The following YTHDF3 variants were observed in gnomAD, a reference collection of about 807,000 sequenced individuals.
YTHDF3 encodes YTH domain-containing family protein 3.
In YTHDF3, 9 loss-of-function variants were observed where a neutral mutation model predicts 52.5. That is an observed-to-expected ratio of 0.17 (90% confidence interval 0.10 to 0.30). The LOEUF (loss-of-function observed/expected upper bound fraction) is 0.30, where lower values mean the gene tolerates loss of function less well. YTHDF3 is among the 10% of genes least tolerant of loss of function. The pLI, the probability that YTHDF3 is intolerant of heterozygous loss-of-function variation, is 1.00. For synonymous variants in YTHDF3, 274 were observed against 243.3 expected (o/e 1.13, Z -1.18); for missense variants, 534 against 715.0 (o/e 0.75, Z 2.89).
chr8:63,174,031 C>G (rs769226212), intron 2 of YTHDF3, among the ~76,000 whole-genome samples: 7 of 152,116 alleles, frequency 4.6e-5, no homozygotes, highest in Non-Finnish European at 8.8e-5. Context: ...TCTTTGCTCC[C>G]AAGCCACTGT....
chr8:63,181,680 T>A (rs1808148992), intron 3 of YTHDF3, among the ~76,000 whole-genome samples: 1 of 152,232 alleles, frequency 6.6e-6, no homozygotes, highest in African/African-American at 2.4e-5. Context: ...TTAGAGTAGC[T>A]ATCACATTAT....
At chr8:63,171,673 A>C (rs1807336093) in intron 2 of YTHDF3, among the ~76,000 whole-genome samples, 1 of 152,166 alleles carries the variant, frequency 6.6e-6, no homozygotes, top group South Asian at 2.1e-4. Context: ...CCAGCTCGTA[A>C]AATTGTTTTA....
At position 63,206,151 on chromosome 8, in the gene YTHDF3, G is replaced by T. The variant is rs111947111; in HGVS notation, c.1735-3532G>T. Among the ~76,000 whole-genome samples, 300 of 152,170 alleles carry T rather than the reference G, an allele frequency of 2.0e-3. 1 individual carries two copies. The highest frequency in any genetic ancestry group is 6.9e-3 in the African/African-American group (286 of 41,500). On this transcript the variant is annotated intron_variant, in intron 4 of 4. Coordinates refer to ENST00000539294, the MANE Select transcript of YTHDF3 (RefSeq NM_152758.6). ...TGCAATGGCGCGATCTTGGCTCACTGCAACCTCTGCCTCCCGGGTTCAAGT... is the reference window on the plus strand; with the variant it reads ...TGCAATGGCGCGATCTTGGCTCACTTCAACCTCTGCCTCCCGGGTTCAAGT...
chr8:63,175,390 C>T lies in YTHDF3; in HGVS notation c.109C>T (p.Pro37Ser). Reference sequence around the variant, plus strand: ...TGCTGTAAATGATGATGATTTTGAGCCATACTTAAGTAGCCAGACAAATCA... The same window carrying T: ...TGCTGTAAATGATGATGATTTTGAGTCATACTTAAGTAGCCAGACAAATCA... ...KDAVNDDDFE[P>S]YLSSQTNQSN... Residue 37 changes from proline to serine, a missense_variant, in exon 3 of 5, where the codon CCA becomes TCA. Transcript: ENST00000539294. 1 of 1,611,480 alleles carries T rather than the reference C, an allele frequency of 6.2e-7. No homozygotes were observed. Among genetic ancestry groups the T allele is most frequent in the Non-Finnish European group, 8.5e-7 (1 of 1,178,552 alleles).
In YTHDF3 at chr8:63,188,691, A is replaced by ATGTG. The variant is rs1563404111; in HGVS notation, c.1734+947_1734+948insGTGT. 5.0e-4 allele frequency: 32 copies of ATGTG among 63,856 alleles called. No homozygotes were observed. The East Asian group carries it at 8.4e-3, about 17-fold the overall frequency. 4.0% of individuals were successfully genotyped at this position (63,856 alleles called of 1,614,324 possible). Reference sequence around the variant, plus strand: ...TATAAGAAATTACATATATATATATATATATATATATTTTTTTTTTTTTTT... The same window carrying ATGTG: ...TATAAGAAATTACATATATATATATATGTGTATATATATATTTTTTTTTTTTTTT... On this transcript the variant is annotated intron_variant, in intron 4 of 4. Transcript: ENST00000539294.
chr8:63,212,284 T>C lies in YTHDF3; in HGVS notation c.*2578T>C, dbSNP rs901149528. 8.5e-5 allele frequency: 13 copies of C among 152,672 alleles called. No homozygotes were observed. Among genetic ancestry groups the C allele is most frequent in the African/African-American group, 3.1e-4 (13 of 41,468 alleles). 9.5% of individuals were successfully genotyped at this position (152,672 alleles called of 1,614,324 possible). On this transcript the variant is annotated 3_prime_UTR_variant, in exon 5 of 5. Coordinates refer to ENST00000539294, the MANE Select transcript of YTHDF3 (RefSeq NM_152758.6). ...ATTAGTATTTCTCTATACGTATTGG[T>C]ACTTGAAGATTCCTTTCAAAAGAAA...
At chr8:63,183,127 A>C (rs760826593) in intron 3 of YTHDF3, among the ~76,000 whole-genome samples, 12 of 151,882 alleles carry the variant, frequency 7.9e-5, no homozygotes, top group African/African-American at 2.9e-4. Flanking sequence ...TGGCCAGCTA[A>C]TTTTTGTAAT....
intron 4 of YTHDF3, among the ~76,000 whole-genome samples, chr8:63,209,025 G>A (rs1018114931): frequency 2.0e-5 from 3 of 151,990 alleles, no homozygotes; most frequent in South Asian, 2.1e-4. Context: ...CCGCCACCAC[G>A]CCCAGCTAAT....
chr8:63,185,190 T>G (rs2130076465), intron 3 of YTHDF3, among the ~76,000 whole-genome samples: 1 of 152,162 alleles, frequency 6.6e-6, no homozygotes, highest in Non-Finnish European at 1.5e-5. Flanking sequence ...TTTTTTTTTT[T>G]GCGTAAGAAA....
chr8:63,182,988 C>T (rs1275911829), intron 3 of YTHDF3, among the ~76,000 whole-genome samples: 2 of 143,124 alleles, frequency 1.4e-5, no homozygotes, highest in African/African-American at 5.2e-5. Flanking sequence ...GAGACAGTCT[C>T]GCTTGTCACC....
rs868760598 is a variant in YTHDF3 at position 63,168,979 on chromosome 8, C to T, written c.24+78C>T. On this transcript the variant is annotated intron_variant, in intron 1 of 4. Transcript: ENST00000539294. ...CCCTCGCGCGGGGCTTCGGCTCCTC[C>T]CCGTCGCCGCCGCTGCCGGCCCCAT... The T allele has an allele frequency of 2.0e-4, 309 of 1,516,984 alleles. 4 individuals carry two copies. The South Asian group carries it at 3.4e-3, about 17-fold the overall frequency. The allele number at this position is 1,516,984 out of a possible 1,614,324, so 94.0% of individuals were successfully genotyped here.
intron 4 of YTHDF3, among the ~76,000 whole-genome samples, chr8:63,203,787 C>T (rs753682987): frequency 3.3e-5 from 5 of 152,152 alleles, no homozygotes; most frequent in Non-Finnish European, 4.4e-5. Flanking sequence ...TTAAAGAGTA[C>T]TTGTCAGGTA....
chr8:63,212,366 C>G lies in YTHDF3; in HGVS notation c.*2660C>G, dbSNP rs1005976671. On this transcript the variant is annotated 3_prime_UTR_variant, in exon 5 of 5. Transcript: ENST00000539294. Reference sequence around the variant, plus strand: ...TCTCTTTTTAATTTAAGTGATCTTTCTAATTCGAAAGCTGTGTTCTTTTTG... The same window carrying G: ...TCTCTTTTTAATTTAAGTGATCTTTGTAATTCGAAAGCTGTGTTCTTTTTG... The G allele has an allele frequency of 1.3e-5, 2 of 152,494 alleles. No individual in the cohort carries two copies. Among genetic ancestry groups the G allele is most frequent in the Non-Finnish European group, 2.9e-5 (2 of 68,010 alleles). The allele number at this position is 152,494 out of a possible 1,614,324, so 9.4% of individuals were successfully genotyped here.
chr8:63,168,890 A>G lies in YTHDF3; in HGVS notation c.13A>G (p.Ser5Gly). MSAT[S>G]VDQRPKGQGN... ...GTTGCGGTGAAGAATGTCAGCCACTAGCGTGGATCAGGTGAGGGAGCAGAG... is the reference window on the plus strand; with the variant it reads ...GTTGCGGTGAAGAATGTCAGCCACTGGCGTGGATCAGGTGAGGGAGCAGAG... Residue 5 changes from serine to glycine, a missense_variant, in exon 1 of 5, where the codon AGC (serine) becomes GGC (glycine). Physicochemically the swap from Ser to Gly is moderately conservative, Grantham distance 56 (BLOSUM62 0). Around this residue, in one of 3 missense-constraint regions of YTHDF3, gnomAD observed 196 missense variants for 299.5 expected, o/e 0.65. Transcript: ENST00000539294. 1.3e-6 allele frequency: 2 copies of G among 1,553,418 alleles called. No individual in the cohort carries two copies. The highest frequency in any genetic ancestry group is 1.7e-6 in the Non-Finnish European group (2 of 1,148,398).
chr8:63,186,109 G>C, intron 3 of YTHDF3, 38 bp from the exon 4 acceptor site: 1 of 1,550,466 alleles, frequency 6.4e-7, no homozygotes, highest in Non-Finnish European at 8.7e-7. Flanking sequence ...TCTTTTAAGA[G>C]GACATTTCGC....
At chr8:63,175,781 T>A (rs941044476) in intron 3 of YTHDF3, 4 of 155,262 alleles carry the variant, frequency 2.6e-5, no homozygotes, top group African/African-American at 9.6e-5. Context: ...GCTAGAAATT[T>A]GGGTATTTGG....
intron 4 of YTHDF3, among the ~76,000 whole-genome samples, chr8:63,191,919 G>A (rs1766235486): frequency 6.6e-6 from 1 of 150,560 alleles, no homozygotes; most frequent in Non-Finnish European, 1.5e-5. Context: ...AAGGATATTT[G>A]GGATGTTTTC....
At position 63,186,932 on chromosome 8, in the gene YTHDF3, A is replaced by C; in HGVS notation, c.921A>C (p.Leu307Phe). 2 of 1,613,934 alleles carry C rather than the reference A, an allele frequency of 1.2e-6. No individual in the cohort carries two copies. The highest frequency in any genetic ancestry group is 2.2e-5 in the South Asian group (2 of 91,080). ...CTATAATCCAGCAGCCTCAGCCATT[A>C]ATTCAACCACCACCATTGGTGCAAA... ...PQTIIQQPQP[L>F]IQPPPLVQSQ... The change falls in exon 4 of 5, where the codon TTA becomes TTC. Residue 307 changes from leucine (L) to phenylalanine (F), a missense_variant. Around this residue, in one of 3 missense-constraint regions of YTHDF3, gnomAD observed 203 missense variants for 201.3 expected, o/e 1.01. Coordinates refer to ENST00000539294, the MANE Select transcript of YTHDF3 (RefSeq NM_152758.6).
chr8:63,177,003 G>A (rs1807735804), intron 3 of YTHDF3, among the ~76,000 whole-genome samples: 1 of 152,170 alleles, frequency 6.6e-6, no homozygotes, highest in Non-Finnish European at 1.5e-5. Context: ...TAATTGGCAC[G>A]TTAAAGATGC....
Sources: gnomAD v4.1 joint callset for allele counts (sites outside exome capture counted in the v4.1 genomes callset) on GRCh38, gnomAD v4.1.1 for gene constraint, gnomAD v4.1.1 regional missense constraint, MANE v1.5 for transcripts, NCBI Gene and HGNC (gene_info 2026-07-23, HGNC 2026-07-21) for gene names.